SUDS3: variants seen among roughly 807,000 people sequenced by gnomAD.
The protein encoded by SUDS3 is sin3 histone deacetylase corepressor complex component SDS3.
SUDS3 carries 23 observed loss-of-function variants against 53.5 expected under a neutral mutation model. The ratio of observed to expected loss-of-function variants is 0.43; its 90% CI spans 0.31 to 0.61. The LOEUF is 0.61. SUDS3 is among the 20% of genes least tolerant of loss of function. The pLI, the probability that SUDS3 is intolerant of heterozygous loss-of-function variation, is 0.10. For synonymous variants in SUDS3, 150 were observed against 148.5 expected (o/e 1.01, Z -0.08); for missense variants, 291 against 405.9 (o/e 0.72, Z 2.43).
intron 9 of SUDS3, 59 bp downstream of exon 9, chr12:118,402,063 T>C: frequency 6.3e-7 from 1 of 1,581,036 alleles, no homozygotes; most frequent in South Asian, 1.1e-5. Context: ...TGGAAAAGGG[T>C]GTGAATACCT....
chr12:118,394,000 C>T (rs2046191798), intron 6 of SUDS3, among the ~76,000 whole-genome samples: 1 of 152,120 alleles, frequency 6.6e-6, no homozygotes, highest in South Asian at 2.1e-4. Flanking sequence ...CCACCTTCCC[C>T]AGGGGTCGCT....
At chr12:118,407,000 G>T (rs1036862159) in intron 10 of SUDS3, among the ~76,000 whole-genome samples, 1 of 151,508 alleles carries the variant, frequency 6.6e-6, no homozygotes, top group Non-Finnish European at 1.5e-5. Context: ...TGGCTCAAGC[G>T]ATCTTCCCAC....
chr12:118,381,902 G>A (rs7967900), intron 2 of SUDS3, among the ~76,000 whole-genome samples: 17,472 of 152,232 alleles, frequency 0.11, 1,270 homozygotes, highest in Middle Eastern at 0.19. Flanking sequence ...CCTTTTAACA[G>A]GATGATCCAC....
At chr12:118,406,408 G>A (rs1433092676) in intron 10 of SUDS3, among the ~76,000 whole-genome samples, 1 of 152,160 alleles carries the variant, frequency 6.6e-6, no homozygotes, top group Non-Finnish European at 1.5e-5. Flanking sequence ...TTAATACCAG[G>A]ATTCTCAGTA....
chr12:118,389,480 A>C (rs1050133430), intron 4 of SUDS3, among the ~76,000 whole-genome samples: 4 of 151,226 alleles, frequency 2.6e-5, no homozygotes, highest in African/African-American at 9.7e-5. Flanking sequence ...GCCCTCAGGC[A>C]GAACTGCCAC....
intron 11 of SUDS3, among the ~76,000 whole-genome samples, chr12:118,412,797 CATAAT>C (rs770965815): frequency 1.3e-5 from 2 of 152,092 alleles, no homozygotes; most frequent in Non-Finnish European, 2.9e-5. Flanking sequence ...CGCGTCTTGA[CATAAT>C]AGAGTGTCAG....
chr12:118,416,391 T>TG lies in SUDS3; in HGVS notation c.*1959dup, dbSNP rs111670274. Reference sequence around the variant, plus strand: ...AATTGCCTCTTTTTCTGGCCTTCTCTGTGGGACCTCTGCTTTTGTGAAGCA... The same window carrying TG: ...AATTGCCTCTTTTTCTGGCCTTCTCTGGTGGGACCTCTGCTTTTGTGAAGCA... On this transcript the variant is annotated 3_prime_UTR_variant, in exon 12 of 12. Coordinates refer to ENST00000543473, the MANE Select transcript of SUDS3 (RefSeq NM_022491.3). 0.16 allele frequency: 23,667 copies of TG among 152,080 alleles called. 1,915 individuals are homozygous for TG. Among genetic ancestry groups the TG allele is most frequent in the Middle Eastern group, 0.2 (60 of 294 alleles). 9.4% of individuals were successfully genotyped at this position (152,080 alleles called of 1,614,324 possible).
chr12:118,376,600 G>A lies in SUDS3; in HGVS notation c.-92G>A. The A allele has an allele frequency of 8.0e-7, 1 of 1,256,976 alleles. No homozygotes were observed. The highest frequency in any genetic ancestry group is 1.0e-6 in the Non-Finnish European group (1 of 999,484). The allele number at this position is 1,256,976 out of a possible 1,614,324, so 77.9% of individuals were successfully genotyped here. ...CGTGGCTGCCGGTCCTCGAGTTGGG[G>A]GCTGCCGCGGACACTGCTAGGCAGA... is the stretch of plus-strand genomic sequence containing the variant. On this transcript the variant is annotated 5_prime_UTR_variant, in exon 1 of 12. Coordinates refer to ENST00000543473, the MANE Select transcript of SUDS3 (RefSeq NM_022491.3).
At chr12:118,396,544 T>C (rs2046217187) in intron 6 of SUDS3, among the ~76,000 whole-genome samples, 1 of 152,244 alleles carries the variant, frequency 6.6e-6, no homozygotes, top group Non-Finnish European at 1.5e-5. Context: ...CGTCAGCCAT[T>C]GCACCCAGCC....
intron 5 of SUDS3, 96 bp from the exon 6 acceptor site, chr12:118,391,030 T>TCA (rs1191773530): frequency 1.4e-6 from 2 of 1,386,906 alleles, no homozygotes; most frequent in Non-Finnish European, 2.1e-6. Flanking sequence ...GGGGAAACTC[T>TCA]CACACACTTT....
chr12:118,391,040 T>C (rs773047416), intron 5 of SUDS3, 86 bp from the exon 6 acceptor site: 1 of 1,467,392 alleles, frequency 6.8e-7, no homozygotes, highest in Admixed American at 1.7e-5. Context: ...TCACACACTT[T>C]GCAGTTGAGG....
Position 118,395,848 on chromosome 12 carries a change from T to C in SUDS3, c.517+4566T>C, listed in dbSNP as rs1296506067. On this transcript the variant is annotated intron_variant, in intron 6 of 11. Coordinates refer to ENST00000543473, the MANE Select transcript of SUDS3 (RefSeq NM_022491.3). ...CTGGGACTACAGGTGCGTGCCACCA[T>C]GCCTGACTAATTTTTATACTTTTTA... Among the ~76,000 whole-genome samples, 3 of 151,920 alleles carry C rather than the reference T, an allele frequency of 2.0e-5. No homozygotes were observed. In the East Asian group the frequency reaches 5.9e-4, roughly 30 times the overall value.
chr12:118,404,116 G>T (rs1749938911), intron 10 of SUDS3: 1 of 152,134 alleles, frequency 6.6e-6, no homozygotes, highest in Non-Finnish European at 1.5e-5. Context: ...TTCCTAGTTT[G>T]TTTTTTGTTT....
At chr12:118,381,018 C>CT (rs1399948063) in intron 2 of SUDS3, among the ~76,000 whole-genome samples, 4 of 150,948 alleles carry the variant, frequency 2.6e-5, no homozygotes, top group African/African-American at 9.7e-5. Context: ...TTTTTCTTTT[C>CT]TTTTTTAATG....
intron 11 of SUDS3, among the ~76,000 whole-genome samples, chr12:118,413,423 G>A (rs963940270): frequency 2.0e-5 from 3 of 152,214 alleles, no homozygotes; most frequent in Non-Finnish European, 4.4e-5. Flanking sequence ...AATTCACGTC[G>A]TGATAAGTGA....
intron 2 of SUDS3, among the ~76,000 whole-genome samples, chr12:118,383,301 A>C (rs1170050098): frequency 6.6e-6 from 1 of 152,234 alleles, no homozygotes; most frequent in Non-Finnish European, 1.5e-5. Context: ...GGTAGAAGCA[A>C]AAATACTTGC....
chr12:118,412,259 G>T (rs1181195307), intron 11 of SUDS3, among the ~76,000 whole-genome samples: 1 of 152,192 alleles, frequency 6.6e-6, no homozygotes, highest in Non-Finnish European at 1.5e-5. Flanking sequence ...AACTTTAATA[G>T]CTGGATTGGC....
intron 10 of SUDS3, among the ~76,000 whole-genome samples, chr12:118,405,391 A>G (rs1327942860): frequency 6.6e-6 from 1 of 152,218 alleles, no homozygotes; most frequent in African/African-American, 2.4e-5. Flanking sequence ...ATGCAGTAAA[A>G]TAAAATTCTT....
intron 6 of SUDS3, among the ~76,000 whole-genome samples, chr12:118,395,345 C>A (rs1357344370): frequency 6.6e-6 from 1 of 151,278 alleles, no homozygotes; most frequent in African/African-American, 2.4e-5. Flanking sequence ...CCTGCCTCAA[C>A]CTCCTGAGTA....
Sources: allele counts gnomAD v4.1 joint callset (sites outside exome capture counted in the v4.1 genomes callset), GRCh38; gene constraint gnomAD v4.1.1; transcripts MANE v1.5; gene names NCBI Gene and HGNC (gene_info 2026-07-23, HGNC 2026-07-21).